DLG1: variants seen among roughly 807,000 people sequenced by gnomAD.
The protein encoded by DLG1 is discs large MAGUK scaffold protein 1, also known as disks large homolog 1.
Under a neutral mutation model 123.4 loss-of-function variants are expected in DLG1, and 42 were observed. The observed-to-expected ratio is 0.34, with a 90% CI of 0.27 to 0.44. The LOEUF is 0.44. Ranked by LOEUF, DLG1 falls within the 20% of genes least tolerant of loss-of-function variation. The probability of loss-of-function intolerance (pLI) is 1.00; values close to 1 mark genes in which losing one functional copy is unlikely to be tolerated. For missense variants in DLG1, 942 were observed against 1,082.6 expected, an observed-to-expected ratio of 0.87 and a Z score of 1.82; for synonymous variants, 317 against 356.2, an observed-to-expected ratio of 0.89 and a Z score of 1.24.
intron 4 of DLG1, among the ~76,000 whole-genome samples, chr3:197,257,160 A>G (rs559937882): frequency 2.1e-4 from 32 of 152,276 alleles, no homozygotes; most frequent in African/African-American, 7.0e-4. Flanking sequence ...CCCCTTTCAA[A>G]GCTTCTAACA....
intron 3 of DLG1, among the ~76,000 whole-genome samples, chr3:197,289,371 T>C (rs972576897): frequency 2.8e-5 from 3 of 107,086 alleles, no homozygotes; most frequent in Admixed American, 9.2e-5. Flanking sequence ...CACACACAAA[T>C]AACATTCCAG....
chr3:197,129,946 TATA>T (rs1198051824), intron 11 of DLG1, among the ~76,000 whole-genome samples: 13 of 152,106 alleles, frequency 8.5e-5, no homozygotes, highest in Middle Eastern at 6.3e-3. Context: ...CTGTAACAGA[TATA>T]ATAATAATGA....
At chr3:197,195,542 C>A (rs1394402181) in intron 4 of DLG1, among the ~76,000 whole-genome samples, 1 of 152,150 alleles carries the variant, frequency 6.6e-6, no homozygotes, top group Non-Finnish European at 1.5e-5. Context: ...GAATACTATG[C>A]AGCCATAAAA....
chr3:197,104,693 A>C (rs1765380456), intron 14 of DLG1, among the ~76,000 whole-genome samples: 1 of 152,114 alleles, frequency 6.6e-6, no homozygotes, highest in Non-Finnish European at 1.5e-5. Flanking sequence ...AACAAACAAA[A>C]AACAAAAACC....
At chr3:197,191,574 C>T (rs986524115) in intron 5 of DLG1, among the ~76,000 whole-genome samples, 3 of 152,068 alleles carry the variant, frequency 2.0e-5, no homozygotes, top group African/African-American at 7.2e-5. Flanking sequence ...AAATTCAAAA[C>T]ATCAGAAATA....
At chr3:197,130,026 G>A (rs925911778) in intron 11 of DLG1, among the ~76,000 whole-genome samples, 2 of 152,140 alleles carry the variant, frequency 1.3e-5, no homozygotes, top group Non-Finnish European at 2.9e-5. Flanking sequence ...CATGAAGTGA[G>A]AACATGTTGC....
intron 5 of DLG1, among the ~76,000 whole-genome samples, chr3:197,185,631 T>A (rs1397394817): frequency 6.6e-6 from 1 of 152,162 alleles, no homozygotes; most frequent in East Asian, 1.9e-4. Flanking sequence ...ATGGACCAGG[T>A]ACCTAGTAAA....
chr3:197,085,625 G>A lies in DLG1; in HGVS notation c.1793C>T (p.Pro598Leu). The A allele has an allele frequency of 6.2e-7, 1 of 1,613,922 alleles. No individual in the cohort carries two copies. The highest frequency in any genetic ancestry group is 8.5e-7 in the Non-Finnish European group (1 of 1,179,988). Residue 598 changes from proline to leucine, a missense_variant, in exon 16 of 25, where the codon CCA becomes CTA. Physicochemically the swap from Pro to Leu is moderately conservative, Grantham distance 98 (BLOSUM62 -3). Transcript: ENST00000667157. ...DEWWQARQVT[P>L]DGESDEVGVI... is the part of the protein sequence containing the mutation. ...TCCGACCTCATCGCTCTCACCATCT[G>A]GTGTAACCTGCCTGGCTTGCCACCA...
intron 13 of DLG1, among the ~76,000 whole-genome samples, chr3:197,105,744 T>C (rs1040832483): frequency 1.3e-5 from 2 of 152,208 alleles, no homozygotes; most frequent in Non-Finnish European, 2.9e-5. Flanking sequence ...CTTAAGAGAT[T>C]GTTCCTTTTC....
intron 5 of DLG1, among the ~76,000 whole-genome samples, chr3:197,191,073 C>T (rs1270963858): frequency 6.6e-6 from 1 of 151,976 alleles, no homozygotes; most frequent in African/African-American, 2.4e-5. Flanking sequence ...TTGATTTACA[C>T]AAAAAGTCTT....
At chr3:197,049,615 G>C (rs773888410) in intron 24 of DLG1, among the ~76,000 whole-genome samples, 10 of 152,226 alleles carry the variant, frequency 6.6e-5, no homozygotes, top group Non-Finnish European at 1.0e-4. Context: ...AGCTGGGCAT[G>C]GTGGCACATG....
chr3:197,256,170 G>C (rs980408958), intron 4 of DLG1, among the ~76,000 whole-genome samples: 1 of 152,200 alleles, frequency 6.6e-6, no homozygotes, highest in African/African-American at 2.4e-5. Flanking sequence ...TTCTGCACTA[G>C]ATGAGAAGTT....
At chr3:197,266,830 G>A (rs1205373036) in intron 4 of DLG1, among the ~76,000 whole-genome samples, 2 of 152,080 alleles carry the variant, frequency 1.3e-5, no homozygotes, top group Non-Finnish European at 2.9e-5. Flanking sequence ...TGCAGACAAA[G>A]TCAACCAAAC....
chr3:197,296,428 G>C lies in DLG1; in HGVS notation c.69C>G (p.Ser23Arg). 1.2e-6 allele frequency: 2 copies of C among 1,613,414 alleles called. No individual in the cohort carries two copies. The highest frequency in any genetic ancestry group is 1.7e-6 in the Non-Finnish European group (2 of 1,179,464). Residue 23 changes from serine to arginine, a missense_variant, in exon 3 of 25, where the codon AGC (serine) becomes AGG (arginine). Ser to Arg is a moderately radical substitution (Grantham distance 110). Coordinates refer to ENST00000667157, the MANE Select transcript of DLG1 (RefSeq NM_001366207.1). Reference protein sequence around the residue: ...HLLEEYRSKLSQTEDRQLRSS... With the variant: ...HLLEEYRSKLRQTEDRQLRSS... ...TTCTGAGCTGTCTGTCTTCAGTTTG[G>C]CTTAGTTTTGAACGATATTCCTCCA...
chr3:197,259,232 A>T (rs1179844342), intron 4 of DLG1, among the ~76,000 whole-genome samples: 1 of 152,210 alleles, frequency 6.6e-6, no homozygotes, highest in African/African-American at 2.4e-5. Context: ...ATTCAGTAAG[A>T]ATATTTCAAC....
At chr3:197,110,745 G>GT (rs1390335422) in intron 13 of DLG1, among the ~76,000 whole-genome samples, 2 of 152,178 alleles carry the variant, frequency 1.3e-5, no homozygotes, top group Admixed American at 1.3e-4. Context: ...TGTCTGGTTA[G>GT]CTTAGTGGTT....
At chr3:197,152,547 C>T (rs759453753) in intron 5 of DLG1, among the ~76,000 whole-genome samples, 7 of 148,380 alleles carry the variant, frequency 4.7e-5, no homozygotes, top group Non-Finnish European at 7.4e-5. Flanking sequence ...GAGGCCAAGG[C>T]GGGTGGATCA....
intron 7 of DLG1, among the ~76,000 whole-genome samples, 169 bp from the exon 8 acceptor site, chr3:197,140,433 G>A (rs1267837239): frequency 6.6e-6 from 1 of 152,206 alleles, no homozygotes; most frequent in Non-Finnish European, 1.5e-5. Context: ...CTGGAGGAAA[G>A]TCCTTTCAGA....
At chr3:197,084,734 G>T (rs933675246) in intron 16 of DLG1, among the ~76,000 whole-genome samples, 1 of 141,220 alleles carries the variant, frequency 7.1e-6, no homozygotes, top group African/African-American at 2.5e-5. Flanking sequence ...TTCAGTTCTG[G>T]TGATTATTTT....
Sources: allele counts gnomAD v4.1 joint callset (sites outside exome capture counted in the v4.1 genomes callset), GRCh38; gene constraint gnomAD v4.1.1; transcripts MANE v1.5; gene names NCBI Gene and HGNC (gene_info 2026-07-23, HGNC 2026-07-21).